SLC35F5: variants seen among roughly 807,000 people sequenced by gnomAD.
The protein encoded by SLC35F5 is solute carrier family 35 member F5.
A neutral mutation model predicts 68.6 loss-of-function variants in SLC35F5; 54 were observed. The ratio of observed to expected loss-of-function variants is 0.79; its 90% CI spans 0.63 to 0.99. The LOEUF (loss-of-function observed/expected upper bound fraction) is 0.99, where lower values mean the gene tolerates loss of function less well. SLC35F5 is among the 50% of genes least tolerant of loss of function. SLC35F5 has a pLI of 0.00. For synonymous variants in SLC35F5, 211 were observed against 205.2 expected (o/e 1.03, Z -0.24); for missense variants, 567 against 626.9 (o/e 0.90, Z 1.02).
rs1332772676 is a variant in SLC35F5 at position 113,746,268 on chromosome 2, A to T, written c.480+9T>A. ...CCTCTCTATTCCTGACAAGAAAAGA[A>T]GCACTTACCAAAGAACTATTCATAG... is the stretch of plus-strand genomic sequence containing the variant. On this transcript the variant is annotated intron_variant, in intron 5 of 15. Coordinates refer to ENST00000245680, the MANE Select transcript of SLC35F5 (RefSeq NM_025181.5). 3 of 1,610,914 alleles carry T rather than the reference A, an allele frequency of 1.9e-6. No homozygotes were observed. The highest frequency in any genetic ancestry group is 2.2e-5 in the South Asian group (2 of 91,038).
At chr2:113,703,160 CTT>C (rs1686729725), downstream of SLC35F5, among the ~76,000 whole-genome samples, 1 of 150,160 alleles carries the variant, frequency 6.7e-6, no homozygotes, top group African/African-American at 2.5e-5. Flanking sequence ...TAATGAATCT[CTT>C]TCTCTCTCTC....
Position 113,717,713 on chromosome 2 carries a change from A to G in SLC35F5, c.*22+40T>C, listed in dbSNP as rs1250732801. 7 of 1,296,130 alleles carry G rather than the reference A, an allele frequency of 5.4e-6. No individual in the cohort carries two copies. In the Admixed American group the frequency reaches 1.3e-4, roughly 23 times the overall value. The allele number at this position is 1,296,130 out of a possible 1,614,324, so 80.3% of individuals were successfully genotyped here. A position where few individuals can be genotyped will look rare whatever the true frequency, so the allele number is the denominator to read the frequency against. ...TCAATCCTTTGAATATTACACAGAT[A>G]AGAACCTTATTCAATACTAAACCCA... On this transcript the variant is annotated intron_variant, in intron 15 of 15. Transcript: ENST00000245680.
At chr2:113,723,732 T>G (rs546872392) in intron 12 of SLC35F5, among the ~76,000 whole-genome samples, 1 of 152,206 alleles carries the variant, frequency 6.6e-6, no homozygotes, top group African/African-American at 2.4e-5. Context: ...AAAAAATATT[T>G]TCTTGTTGTT....
At chr2:113,729,314 G>A (rs1339563014) in intron 11 of SLC35F5, 87 bp downstream of exon 11, 4 of 631,620 alleles carry the variant, frequency 6.3e-6, no homozygotes, top group East Asian at 3.0e-5. Flanking sequence ...AAAAAAAAAG[G>A]CTTCCCTATT....
intron 1 of SLC35F5, chr2:113,755,961 T>A: frequency 2.6e-6 from 4 of 1,549,536 alleles, no homozygotes; most frequent in Non-Finnish European, 3.5e-6. Context: ...TATCGGAGAG[T>A]AAGTGATTTG....
At chr2:113,716,293 G>T (rs1687179544) in intron 15 of SLC35F5, among the ~76,000 whole-genome samples, 2 of 152,166 alleles carry the variant, frequency 1.3e-5, no homozygotes, top group South Asian at 2.1e-4. Context: ...ACTTTTCACA[G>T]TTGGCCAAGT....
At chr2:113,749,673 C>T (rs1676657392) in intron 4 of SLC35F5, among the ~76,000 whole-genome samples, 1 of 152,076 alleles carries the variant, frequency 6.6e-6, no homozygotes, top group Admixed American at 6.6e-5. Flanking sequence ...ATTTTTAAGT[C>T]TGTGTACAGA....
At position 113,746,921 on chromosome 2, in the gene SLC35F5, C is replaced by T. The variant is rs530605337; in HGVS notation, c.418-582G>A. 8.6e-5 allele frequency among the ~76,000 whole-genome samples: 10 copies of T among 116,882 alleles called. No homozygotes were observed. The East Asian group carries it at 2.2e-3, about 25-fold the overall frequency. The allele number at this position is 116,882 out of a possible 152,430, so 76.7% of individuals were successfully genotyped here. On this transcript the variant is annotated intron_variant, in intron 4 of 15. Coordinates refer to ENST00000245680, the MANE Select transcript of SLC35F5 (RefSeq NM_025181.5). ...CAGCCTGGGCAGCAAGATTACGTCTCAAAAAAAGAAAAAAAAAAAAAAAGG... is the reference window on the plus strand; with the variant it reads ...CAGCCTGGGCAGCAAGATTACGTCTTAAAAAAAGAAAAAAAAAAAAAAAGG...
rs1471921437 is a variant in SLC35F5 at position 113,712,924 on chromosome 2, ATGTGCTCAT to A, written c.*2285_*2293del. ...TTCCCAGCATTTCCAAAGACCTGCA[ATGTGCTCAT>A]TGTGATCCAAGGGCCTTGTTACCTA... On this transcript the variant is annotated 3_prime_UTR_variant, in exon 16 of 16. Coordinates refer to ENST00000245680, the MANE Select transcript of SLC35F5 (RefSeq NM_025181.5). 4 of 152,182 alleles carry A rather than the reference ATGTGCTCAT, an allele frequency of 2.6e-5. No homozygotes were observed. The highest frequency in any genetic ancestry group is 6.5e-5 in the Admixed American group (1 of 15,278). The allele number at this position is 152,182 out of a possible 1,614,324, so 9.4% of individuals were successfully genotyped here.
At chr2:113,726,167 CAAT>C (rs1156337642) in intron 11 of SLC35F5, among the ~76,000 whole-genome samples, 2 of 152,166 alleles carry the variant, frequency 1.3e-5, no homozygotes, top group East Asian at 3.8e-4. Context: ...ATATATCACT[CAAT>C]AGTAGTGCAA....
At position 113,748,688 on chromosome 2, in the gene SLC35F5, G is replaced by GT. The variant is rs1441309129; in HGVS notation, c.417+1736dup. ...TATATATAATTTCTACAATGTATAT[G>GT]TATTACTTTTGCAAAGTAAAAAAAT... is the stretch of plus-strand genomic sequence containing the variant. On this transcript the variant is annotated intron_variant, in intron 4 of 15. Transcript: ENST00000245680. 2.6e-4 allele frequency among the ~76,000 whole-genome samples: 39 copies of GT among 152,170 alleles called. 1 individual carries two copies. The highest frequency in any genetic ancestry group is 8.9e-4 in the African/African-American group (37 of 41,506).
At position 113,734,604 on chromosome 2, in the gene SLC35F5, A is replaced by G; in HGVS notation, c.902T>C (p.Leu301Pro). Reference protein sequence around the residue: ...NSGDRFTLSKLLAVILSIGGV... With the variant: ...NSGDRFTLSKPLAVILSIGGV... ...TGCTTACCTTAAAATTACAGCTAAT[A>G]GTTTAGAAAGGGTAAATCTATCTCC... is the stretch of plus-strand genomic sequence containing the variant. Residue 301 changes from leucine (L) to proline (P), a missense_variant, in exon 9 of 16, where the codon CTA (leucine) becomes CCA (proline). By Grantham distance (98) the Leu-to-Pro change is moderately conservative. Transcript: ENST00000245680. The G allele has an allele frequency of 6.3e-7, 1 of 1,591,950 alleles. No individual in the cohort carries two copies. Among genetic ancestry groups the G allele is most frequent in the Non-Finnish European group, 8.6e-7 (1 of 1,162,022 alleles).
intron 4 of SLC35F5, 69 bp downstream of exon 4, chr2:113,750,356 A>T: frequency 7.3e-7 from 1 of 1,364,806 alleles, no homozygotes; most frequent in Non-Finnish European, 9.8e-7. Context: ...AGAAACTAAT[A>T]CATCTTTAAA....
At chr2:113,751,497 G>A (rs11694541) in intron 3 of SLC35F5, among the ~76,000 whole-genome samples, 35,319 of 152,102 alleles carry the variant, frequency 0.23, 4,470 homozygotes, top group Middle Eastern at 0.49. Flanking sequence ...GGTGGTCCAC[G>A]CCATTTTACA....
Position 113,713,769 on chromosome 2 carries a change from A to AAAAAAGAG in SLC35F5, c.*1448_*1449insCTCTTTTT, listed in dbSNP as rs578213425. 11 of 138,708 alleles carry AAAAAAGAG rather than the reference A, an allele frequency of 7.9e-5. No individual in the cohort carries two copies. Among genetic ancestry groups the AAAAAAGAG allele is most frequent in the Non-Finnish European group, 1.4e-4 (9 of 64,232 alleles). 8.6% of individuals were successfully genotyped at this position (138,708 alleles called of 1,614,324 possible). ...ATGATTAAAAAAAAAAAAAAAAAAA[A>AAAAAAGAG]AGAGAGCTGTTTGTATTTTAAATTT... On this transcript the variant is annotated 3_prime_UTR_variant, in exon 16 of 16. Transcript: ENST00000245680.
At chr2:113,729,088 T>A (rs1333173652) in intron 11 of SLC35F5, among the ~76,000 whole-genome samples, 1 of 152,242 alleles carries the variant, frequency 6.6e-6, no homozygotes, top group Non-Finnish European at 1.5e-5. Context: ...AACTCTCACA[T>A]GCTTGTAAGA....
At chr2:113,730,358 A>T (rs925273511) in intron 10 of SLC35F5, among the ~76,000 whole-genome samples, 8 of 152,082 alleles carry the variant, frequency 5.3e-5, no homozygotes, top group African/African-American at 1.2e-4. Context: ...GTTTTATTAA[A>T]TTTTTTTTAT....
chr2:113,704,773 C>T (rs554364736), downstream of SLC35F5, among the ~76,000 whole-genome samples: 165 of 152,188 alleles, frequency 1.1e-3, 1 homozygote, highest in Non-Finnish European at 1.8e-3. Context: ...CCCCTGTTCC[C>T]GCCCTCGCCT....
chr2:113,743,758 G>C lies in SLC35F5; in HGVS notation c.517C>G (p.Leu173Val). The change falls in exon 6 of 16, where the codon CTT becomes GTT. Residue 173 changes from leucine (L) to valine (V), a missense_variant. By Grantham distance (32) the Leu-to-Val change is conservative. Coordinates refer to ENST00000245680, the MANE Select transcript of SLC35F5 (RefSeq NM_025181.5). ...GTGCTCTCAGGTTTTTCACTTGGAA[G>C]ATCATGGAATTTCACAGGCACATAC... ...PLYVPVKFHD[L>V]PSEKPESTNI... 6.2e-7 allele frequency: 1 copy of C among 1,611,258 alleles called. No homozygotes were observed. Among genetic ancestry groups the C allele is most frequent in the Non-Finnish European group, 8.5e-7 (1 of 1,178,598 alleles).
Sources: allele counts gnomAD v4.1 joint callset (sites outside exome capture counted in the v4.1 genomes callset), GRCh38; gene constraint gnomAD v4.1.1; transcripts MANE v1.5; gene names NCBI Gene and HGNC (gene_info 2026-07-23, HGNC 2026-07-21).